Variants in TESMIN observed in about 807,000 individuals in gnomAD.
The protein encoded by TESMIN is CXC domain containing 2.
Under a neutral mutation model 47.4 loss-of-function variants are expected in TESMIN, and 34 were observed. The observed-to-expected ratio is 0.72, with a 90% CI of 0.55 to 0.96. The LOEUF (loss-of-function observed/expected upper bound fraction) is 0.96. TESMIN is among the 40% of genes least tolerant of loss of function. The pLI is 0.00. For missense variants in TESMIN, 610 were observed against 637.2 expected, an observed-to-expected ratio of 0.96 and a Z score of 0.46; for synonymous variants, 278 against 258.9, an observed-to-expected ratio of 1.07 and a Z score of -0.71.
chr11:68,750,476 G>C lies in TESMIN; in HGVS notation c.185C>G (p.Pro62Arg). The C allele has an allele frequency of 6.2e-7, 1 of 1,601,496 alleles. No homozygotes were observed. Residue 62 changes from proline to arginine, a missense_variant, in exon 2 of 10, where the codon CCC (proline) becomes CGC (arginine). Coordinates refer to ENST00000255087, the MANE Select transcript of TESMIN (RefSeq NM_004923.3). ...AYLGPADPKEPVLHAFNPALG... is the reference protein window; with the variant it reads ...AYLGPADPKERVLHAFNPALG... ...CGCGGGGTTGAACGCGTGCAGGACG[G>C]GTTCCTTGGGGTCCGCCGGGCCCAG...
At chr11:68,707,037 G>A (rs984947780), downstream of TESMIN, among the ~76,000 whole-genome samples, 5 of 152,238 alleles carry the variant, frequency 3.3e-5, no homozygotes, top group Non-Finnish European at 7.3e-5. Flanking sequence ...TGGGGTGTAC[G>A]GCTGGCTGAG....
chr11:68,750,693 C>T lies in TESMIN; in HGVS notation c.-33G>A. The T allele has an allele frequency of 7.1e-7, 1 of 1,413,554 alleles. No individual in the cohort carries two copies. Among genetic ancestry groups the T allele is most frequent in the South Asian group, 1.4e-5 (1 of 68,982 alleles). The allele number at this position is 1,413,554 out of a possible 1,614,324, so 87.6% of individuals were successfully genotyped here. ...GGCGGCGGGGCGGGATGGCGGGGGC[C>T]GCGCACCTGCAACACGCGGCCAGGT... is the stretch of plus-strand genomic sequence containing the variant. On this transcript the variant is annotated 5_prime_UTR_variant, in exon 2 of 10. Coordinates refer to ENST00000255087, the MANE Select transcript of TESMIN (RefSeq NM_004923.3).
At chr11:68,712,823 G>A (rs754217630) in intron 8 of TESMIN, among the ~76,000 whole-genome samples, 20 of 152,236 alleles carry the variant, frequency 1.3e-4, no homozygotes, top group Non-Finnish European at 2.2e-4. Context: ...GATGTCTGGG[G>A]ACAAGCGCCA....
At chr11:68,734,115 G>A (rs975542297) in intron 6 of TESMIN, among the ~76,000 whole-genome samples, 1 of 152,294 alleles carries the variant, frequency 6.6e-6, no homozygotes, top group African/African-American at 2.4e-5. Context: ...TAGATGAAGC[G>A]TCGTTCATCT....
At position 68,750,680 on chromosome 11, in the gene TESMIN, G is replaced by C; in HGVS notation, c.-20C>G. 2 of 1,465,816 alleles carry C rather than the reference G, an allele frequency of 1.4e-6. No homozygotes were observed. Among genetic ancestry groups the C allele is most frequent in the Non-Finnish European group, 1.8e-6 (2 of 1,106,878 alleles). 90.8% of individuals were successfully genotyped at this position (1,465,816 alleles called of 1,614,324 possible). A position where few individuals can be genotyped will look rare whatever the true frequency, so the allele number is the denominator to read the frequency against. On this transcript the variant is annotated 5_prime_UTR_variant, in exon 2 of 10. Coordinates refer to ENST00000255087, the MANE Select transcript of TESMIN (RefSeq NM_004923.3). ...CTCCATGGCGCAGGGCGGCGGGGCGGGATGGCGGGGGCCGCGCACCTGCAA... is the reference window on the plus strand; with the variant it reads ...CTCCATGGCGCAGGGCGGCGGGGCGCGATGGCGGGGGCCGCGCACCTGCAA...
intron 7 of TESMIN, among the ~76,000 whole-genome samples, chr11:68,714,266 C>T (rs559064553): frequency 6.6e-5 from 10 of 152,200 alleles, no homozygotes; most frequent in Admixed American, 2.0e-4. Flanking sequence ...CCCCAGCCTG[C>T]GGTGCGCGGC....
At chr11:68,711,619 G>A (rs150001010) in intron 8 of TESMIN, among the ~76,000 whole-genome samples, 1 of 152,134 alleles carries the variant, frequency 6.6e-6, no homozygotes, top group African/African-American at 2.4e-5. Flanking sequence ...GACTTGTTTT[G>A]AAGAAAGCCT....
chr11:68,733,494 C>G (rs973209292), intron 6 of TESMIN, among the ~76,000 whole-genome samples: 1 of 152,196 alleles, frequency 6.6e-6, no homozygotes, highest in African/African-American at 2.4e-5. Context: ...GGCTGCTTCT[C>G]GCTGTTTTGG....
intron 6 of TESMIN, chr11:68,736,179 A>G: frequency 1.0e-6 from 1 of 985,344 alleles, no homozygotes; most frequent in Non-Finnish European, 1.2e-6. Context: ...TACTAAAACC[A>G]GTAGCATCAA....
chr11:68,720,363 C>T (rs1946190856), intron 6 of TESMIN, among the ~76,000 whole-genome samples: 1 of 152,210 alleles, frequency 6.6e-6, no homozygotes, highest in Non-Finnish European at 1.5e-5. Flanking sequence ...AAAGGGTGGG[C>T]TGTCCACATG....
chr11:68,706,468 G>T (rs1262071322), downstream of TESMIN, among the ~76,000 whole-genome samples: 1 of 152,168 alleles, frequency 6.6e-6, no homozygotes, highest in Non-Finnish European at 1.5e-5. Flanking sequence ...TCTGGGCTCC[G>T]CGGGTGGGCC....
chr11:68,720,682 AAC>A (rs1302320086), intron 6 of TESMIN, among the ~76,000 whole-genome samples: 5 of 152,198 alleles, frequency 3.3e-5, no homozygotes, highest in Admixed American at 3.3e-4. Context: ...TCTGCCCAGT[AAC>A]ACAGCCCCTG....
At chr11:68,718,167 G>GCCCCCAGTCAGCCCACGCCTCACCTA (rs1946163306) in intron 6 of TESMIN, among the ~76,000 whole-genome samples, 1 of 134,788 alleles carries the variant, frequency 7.4e-6, no homozygotes, top group South Asian at 2.5e-4. Flanking sequence ...CCCCTCACCT[G>GCCCCCAGTCAGCCCACGCCTCACCTA]CAGCCCCCAG....
rs572654462 is a variant in TESMIN at position 68,729,385 on chromosome 11, C to T, written c.917+9315G>A. ...CTAAAAATACAAAAAATTAGCTGGG[C>T]GTGGTGGTGGGCGCCTGTAATCCCA... On this transcript the variant is annotated intron_variant, in intron 6 of 9. Transcript: ENST00000255087. Among the ~76,000 whole-genome samples, 6 of 151,916 alleles carry T rather than the reference C, an allele frequency of 3.9e-5. No homozygotes were observed. In the East Asian group the frequency reaches 5.8e-4, roughly 15 times the overall value.
intron 6 of TESMIN, among the ~76,000 whole-genome samples, chr11:68,720,037 GAGT>G (rs1020129116): frequency 6.2e-4 from 94 of 152,158 alleles, no homozygotes; most frequent in African/African-American, 2.2e-3. Context: ...AAATGCACTA[GAGT>G]AGAAAGATAC....
chr11:68,743,439 G>A (rs531642955), intron 4 of TESMIN, among the ~76,000 whole-genome samples: 1 of 151,952 alleles, frequency 6.6e-6, no homozygotes, highest in African/African-American at 2.4e-5. Context: ...TGTAGAGACA[G>A]GGTTTCGCCA....
chr11:68,728,293 G>T (rs1239224425), intron 6 of TESMIN, among the ~76,000 whole-genome samples: 1 of 152,218 alleles, frequency 6.6e-6, no homozygotes, highest in Non-Finnish European at 1.5e-5. Flanking sequence ...CATGAAGCAA[G>T]CCTGAGAGGT....
At chr11:68,714,446 ACTC>A (rs1946110196) in intron 7 of TESMIN, among the ~76,000 whole-genome samples, 1 of 152,002 alleles carries the variant, frequency 6.6e-6, no homozygotes, top group Non-Finnish European at 1.5e-5. Flanking sequence ...TTGCCTTGTG[ACTC>A]CTCCTCAGCG....
chr11:68,715,878 T>G lies in TESMIN; in HGVS notation c.979A>C (p.Asn327His), dbSNP rs1250040959. The change falls in exon 7 of 10, where the codon AAC (asparagine) becomes CAC (histidine). Residue 327 changes from asparagine (N) to histidine (H), a missense_variant. By Grantham distance (68) the Asn-to-His change is moderately conservative. Coordinates refer to ENST00000255087, the MANE Select transcript of TESMIN (RefSeq NM_004923.3). ...CGTTCAATATCATGATGCAAGTTGT[T>G]GCAACAATTATTACAATTGCAGTTG... ...CNNCNCNNCC[N>H]NLHHDIERFK... 1 of 1,613,280 alleles carries G rather than the reference T, an allele frequency of 6.2e-7. No individual in the cohort carries two copies. Among genetic ancestry groups the G allele is most frequent in the Non-Finnish European group, 8.5e-7 (1 of 1,179,352 alleles).
Sources: gnomAD v4.1 joint callset for allele counts (sites outside exome capture counted in the v4.1 genomes callset) on GRCh38, gnomAD v4.1.1 for gene constraint, MANE v1.5 for transcripts, NCBI Gene and HGNC (gene_info 2026-07-23, HGNC 2026-07-21) for gene names.